Variants in NSMCE2 observed in about 807,000 individuals in gnomAD.
NSMCE2 encodes E3 SUMO-protein ligase NSE2.
NSMCE2 carries 24 observed loss-of-function variants against 23.8 expected under a neutral mutation model. The observed-to-expected ratio is 1.01, with a 90% CI of 0.73 to 1.42. The LOEUF (loss-of-function observed/expected upper bound fraction) is 1.42. NSMCE2 is among the 40% of genes most tolerant of loss of function. NSMCE2 has a pLI of 0.00. For synonymous variants in NSMCE2, 92 were observed against 94.1 expected, an observed-to-expected ratio of 0.98 and a Z score of 0.13; for missense variants, 284 against 296.5, an observed-to-expected ratio of 0.96 and a Z score of 0.31.
At chr8:125,205,838 A>G (rs1001615631) in intron 5 of NSMCE2, among the ~76,000 whole-genome samples, 6 of 152,196 alleles carry the variant, frequency 3.9e-5, no homozygotes, top group Non-Finnish European at 5.9e-5. Flanking sequence ...TCTGATGGTC[A>G]AGCTTAAGCT....
chr8:125,315,890 C>T lies in NSMCE2; in HGVS notation c.419-41329C>T, dbSNP rs545440480. Among the ~76,000 whole-genome samples, 3 of 152,204 alleles carry T rather than the reference C, an allele frequency of 2.0e-5. No individual in the cohort carries two copies. The South Asian group carries it at 6.2e-4, about 32-fold the overall frequency. On this transcript the variant is annotated intron_variant, in intron 5 of 7. Coordinates refer to ENST00000287437, the MANE Select transcript of NSMCE2 (RefSeq NM_173685.4). ...CAGTCACAGCTCACGGCAGCTTCAACCTCCTGGGCTCAAGCAATCCTCTTA... is the reference window on the plus strand; with the variant it reads ...CAGTCACAGCTCACGGCAGCTTCAATCTCCTGGGCTCAAGCAATCCTCTTA...
rs1343635225 is a variant in NSMCE2 at position 125,145,213 on chromosome 8, A to T, written c.158-5958A>T. On this transcript the variant is annotated intron_variant, in intron 3 of 7. Transcript: ENST00000287437. ...TTCAGTAGCCCTTCCTGGTTTGAAT[A>T]ACACTTCAGTCCACAATGGTTTGGC... Among the ~76,000 whole-genome samples the T allele has an allele frequency of 3.3e-5, 5 of 152,218 alleles. No homozygotes were observed. The South Asian group carries it at 1.0e-3, about 32-fold the overall frequency.
chr8:125,333,134 A>G (rs1363693599), intron 5 of NSMCE2, among the ~76,000 whole-genome samples: 1 of 151,612 alleles, frequency 6.6e-6, no homozygotes, highest in East Asian at 1.9e-4. Flanking sequence ...AGAATCTCCA[A>G]CAGTAGACCT....
intron 5 of NSMCE2, among the ~76,000 whole-genome samples, chr8:125,198,273 A>G (rs1823715225): frequency 6.6e-6 from 1 of 152,172 alleles, no homozygotes; most frequent in Admixed American, 6.5e-5. Flanking sequence ...GCCGGTTTTC[A>G]AAGGGAATGC....
At chr8:125,347,587 A>C (rs1462273176) in intron 5 of NSMCE2, among the ~76,000 whole-genome samples, 1 of 152,260 alleles carries the variant, frequency 6.6e-6, no homozygotes, top group Non-Finnish European at 1.5e-5. Context: ...TAGTTGAGTT[A>C]GCTTCACTTA....
At chr8:125,092,012 C>T (rs375501938) in intron 1 of NSMCE2, 54 bp downstream of exon 1, 10 of 152,338 alleles carry the variant, frequency 6.6e-5, no homozygotes, top group African/African-American at 2.4e-4. Flanking sequence ...TTTCGCCACC[C>T]TCAGGGACAC....
At chr8:125,257,503 T>C (rs189448816) in intron 5 of NSMCE2, among the ~76,000 whole-genome samples, 3 of 148,760 alleles carry the variant, frequency 2.0e-5, no homozygotes, top group Non-Finnish European at 4.4e-5. Flanking sequence ...TTTGCCAAGC[T>C]GGACAAAACC....
chr8:125,111,756 C>T (rs143256358), intron 3 of NSMCE2, among the ~76,000 whole-genome samples: 24 of 152,218 alleles, frequency 1.6e-4, no homozygotes, highest in Admixed American at 6.5e-4. Context: ...GCCGAGATCA[C>T]GCCACTGCAC....
intron 5 of NSMCE2, among the ~76,000 whole-genome samples, chr8:125,350,305 T>G (rs1230997381): frequency 6.6e-6 from 1 of 152,134 alleles, no homozygotes; most frequent in East Asian, 1.9e-4. Context: ...AGATGACATT[T>G]AAACTGACAT....
chr8:125,360,342 C>T (rs1813480087), intron 7 of NSMCE2, among the ~76,000 whole-genome samples: 1 of 152,174 alleles, frequency 6.6e-6, no homozygotes, highest in Non-Finnish European at 1.5e-5. Context: ...TCAACCCGCT[C>T]AACTACCGTC....
intron 1 of NSMCE2, among the ~76,000 whole-genome samples, chr8:125,092,916 C>G (rs538129017): frequency 6.6e-6 from 1 of 152,262 alleles, no homozygotes; most frequent in African/African-American, 2.4e-5. Context: ...TGAGGGCTGT[C>G]CTGTGTTTTG....
At chr8:125,174,859 G>A (rs941038189) in intron 4 of NSMCE2, among the ~76,000 whole-genome samples, 2 of 152,278 alleles carry the variant, frequency 1.3e-5, no homozygotes, top group South Asian at 2.1e-4. Context: ...CTAAATAATG[G>A]CACTAGGAAA....
intron 5 of NSMCE2, among the ~76,000 whole-genome samples, chr8:125,233,596 G>A (rs1275878817): frequency 2.0e-5 from 3 of 151,858 alleles, no homozygotes; most frequent in East Asian, 1.9e-4. Context: ...ATTTTTTTCC[G>A]AAATGAAATG....
chr8:125,151,185 G>A lies in NSMCE2; in HGVS notation c.172G>A (p.Glu58Lys). 1.3e-6 allele frequency: 2 copies of A among 1,592,800 alleles called. No homozygotes were observed. Among genetic ancestry groups the A allele is most frequent in the Non-Finnish European group, 1.7e-6 (2 of 1,162,572 alleles). Residue 58 changes from glutamate (E) to lysine (K), a missense_variant, in exon 4 of 8, where the codon GAA becomes AAA. Around this residue, in one of 2 missense-constraint regions of NSMCE2, gnomAD observed 182 missense variants for 155.5 expected, o/e 1.17. Coordinates refer to ENST00000287437, the MANE Select transcript of NSMCE2 (RefSeq NM_173685.4). ...LVESQTEVSS[E>K]YSMDKAMVEF... Reference sequence around the variant, plus strand: ...TTTTCTTTCAGCTGAAGTGAGTAGTGAATATAGTATGGACAAGGCAATGGT... The same window carrying A: ...TTTTCTTTCAGCTGAAGTGAGTAGTAAATATAGTATGGACAAGGCAATGGT...
intron 5 of NSMCE2, among the ~76,000 whole-genome samples, chr8:125,208,481 T>G (rs1179540860): frequency 6.6e-6 from 1 of 152,214 alleles, no homozygotes; most frequent in Non-Finnish European, 1.5e-5. Flanking sequence ...TTTATTAATG[T>G]ACCAAGGACT....
Position 125,102,505 on chromosome 8 carries a change from C to A in NSMCE2, c.157+18C>A. 2 of 1,605,156 alleles carry A rather than the reference C, an allele frequency of 1.2e-6. No homozygotes were observed. Among genetic ancestry groups the A allele is most frequent in the Non-Finnish European group, 1.7e-6 (2 of 1,171,984 alleles). On this transcript the variant is annotated intron_variant, in intron 3 of 7. Transcript: ENST00000287437. Reference sequence around the variant, plus strand: ...AAGTCAGAGTAAGTAAAATTAAAACCTCTTTTGTGTCTACTTTGAGGTAAC... The same window carrying A: ...AAGTCAGAGTAAGTAAAATTAAAACATCTTTTGTGTCTACTTTGAGGTAAC...
chr8:125,182,499 A>C, intron 5 of NSMCE2: 1 of 551,698 alleles, frequency 1.8e-6, no homozygotes. Context: ...GCAGCTAGTT[A>C]TGTGTATTGT....
rs143948744 is a variant in NSMCE2, at chr8:125,094,835, G to A, written c.-111+2877G>A. ...AGAGAGAGAGAGAGCAGTCCCTGGCGTCTCTTCCTTTTCTTTTCTTTTCTC... is the reference window on the plus strand; with the variant it reads ...AGAGAGAGAGAGAGCAGTCCCTGGCATCTCTTCCTTTTCTTTTCTTTTCTC... On this transcript the variant is annotated intron_variant, in intron 1 of 7. Transcript: ENST00000287437. 4.8e-4 allele frequency among the ~76,000 whole-genome samples: 73 copies of A among 152,228 alleles called. 1 individual carries two copies. Among genetic ancestry groups the A allele is most frequent in the Middle Eastern group, 3.4e-3 (1 of 294 alleles).
At chr8:125,184,684 A>G (rs779862812) in intron 5 of NSMCE2, among the ~76,000 whole-genome samples, 1 of 152,146 alleles carries the variant, frequency 6.6e-6, no homozygotes, top group African/African-American at 2.4e-5. Context: ...TTAATATAAT[A>G]CTTGTATTAT....
Sources: allele counts gnomAD v4.1 joint callset (sites outside exome capture counted in the v4.1 genomes callset), GRCh38; gene constraint gnomAD v4.1.1; regional missense constraint gnomAD v4.1.1; transcripts MANE v1.5; gene names NCBI Gene and HGNC (gene_info 2026-07-23, HGNC 2026-07-21).